The following XRN1 variants were observed in gnomAD, a reference collection of about 807,000 sequenced individuals.
XRN1 encodes the protein strand-exchange protein 1 homolog.
A neutral mutation model predicts 222.3 loss-of-function variants in XRN1; 67 were observed. That is an observed-to-expected ratio of 0.30 (90% confidence interval 0.25 to 0.37). The LOEUF (loss-of-function observed/expected upper bound fraction) is 0.37, where lower values mean the gene tolerates loss of function less well. Ranked by LOEUF, XRN1 falls within the 10% of genes least tolerant of loss-of-function variation. The pLI is 1.00. For synonymous variants in XRN1, 643 were observed against 652.4 expected (o/e 0.99, Z 0.22); for missense variants, 1,707 against 2,000.2 (o/e 0.85, Z 2.80).
intron 37 of XRN1, among the ~76,000 whole-genome samples, chr3:142,327,267 G>T (rs1281041940): frequency 6.6e-6 from 1 of 151,954 alleles, no homozygotes; most frequent in Admixed American, 6.6e-5. Context: ...TTTTACTACC[G>T]CTTCCATCTT....
intron 37 of XRN1, among the ~76,000 whole-genome samples, chr3:142,327,978 T>G (rs1255912993): frequency 6.6e-6 from 1 of 152,314 alleles, no homozygotes; most frequent in Non-Finnish European, 1.5e-5. Flanking sequence ...CCATCCATGT[T>G]GCTGCAAAAG....
intron 2 of XRN1, among the ~76,000 whole-genome samples, chr3:142,429,217 A>G (rs12695761): frequency 0.61 from 89,642 of 146,240 alleles, 28,049 homozygotes; most frequent in African/African-American, 0.78. Flanking sequence ...GTGTGATCTC[A>G]GCTCACTGCA....
At chr3:142,323,507 A>G (rs2065423079) in intron 37 of XRN1, among the ~76,000 whole-genome samples, 1 of 152,164 alleles carries the variant, frequency 6.6e-6, no homozygotes. Context: ...ATGTAATATT[A>G]AAGTATAGCC....
intron 18 of XRN1, among the ~76,000 whole-genome samples, chr3:142,402,472 CAT>C (rs536715411): frequency 1.8e-3 from 268 of 152,266 alleles, no homozygotes; most frequent in African/African-American, 6.2e-3. Flanking sequence ...CGTAAGCCAC[CAT>C]GCCCAGCCAT....
At chr3:142,442,926 G>C (rs2070300844) in intron 1 of XRN1, among the ~76,000 whole-genome samples, 1 of 152,064 alleles carries the variant, frequency 6.6e-6, no homozygotes, top group Non-Finnish European at 1.5e-5. Flanking sequence ...GTAGAGACGG[G>C]GTTTCACCGT....
At position 142,408,269 on chromosome 3, in the gene XRN1, C is replaced by A. The variant is rs562577872; in HGVS notation, c.1714-3193G>T. ...GTGAGTAATGCACATAGGCCTGGGG[C>A]CCATTTGGGGCATTGTGGGGAACCT... is the stretch of plus-strand genomic sequence containing the variant. On this transcript the variant is annotated intron_variant, in intron 15 of 40. Transcript: ENST00000392981. Among the ~76,000 whole-genome samples, 10 of 152,310 alleles carry A rather than the reference C, an allele frequency of 6.6e-5. No individual in the cohort carries two copies. In the South Asian group the frequency reaches 2.1e-3, roughly 32 times the overall value.
chr3:142,332,315 G>T, intron 36 of XRN1, 60 bp downstream of exon 36: 1 of 1,251,814 alleles, frequency 8.0e-7, no homozygotes, highest in Non-Finnish European at 1.1e-6. Flanking sequence ...TGATTAAAAA[G>T]AACCAAATGA....
rs1031991961 is a variant in XRN1, at chr3:142,308,524, T to C, written c.*2987A>G. The C allele has an allele frequency of 2.0e-5, 3 of 152,214 alleles. No individual in the cohort carries two copies. The highest frequency in any genetic ancestry group is 2.0e-4 in the Admixed American group (3 of 15,280). The allele number at this position is 152,214 out of a possible 1,614,324, so 9.4% of individuals were successfully genotyped here. ...AAGGTTCAGTAGAGGTGACTTTAAT[T>C]TTTTTCTGCAACTACAACTGAGTCT... On this transcript the variant is annotated 3_prime_UTR_variant, in exon 41 of 41. Coordinates refer to ENST00000392981, the MANE Select transcript of XRN1 (RefSeq NM_001282857.2).
intron 39 of XRN1, among the ~76,000 whole-genome samples, chr3:142,315,735 G>A (rs1332273381): frequency 1.3e-5 from 2 of 151,550 alleles, no homozygotes; most frequent in Non-Finnish European, 2.9e-5. Flanking sequence ...GGCTGGTCTC[G>A]AACTCCTGAC....
At chr3:142,314,315 A>G (rs1419786647) in intron 39 of XRN1, among the ~76,000 whole-genome samples, 3 of 152,198 alleles carry the variant, frequency 2.0e-5, no homozygotes, top group Non-Finnish European at 4.4e-5. Flanking sequence ...ATTAGTAGGT[A>G]TGAATAAACT....
intron 37 of XRN1, among the ~76,000 whole-genome samples, chr3:142,326,344 AG>A (rs778694251): frequency 3.3e-5 from 5 of 152,064 alleles, no homozygotes; most frequent in Admixed American, 1.3e-4. Context: ...TTTTATAATA[AG>A]TTTTCATTGT....
chr3:142,392,499 A>G (rs2067765700), intron 20 of XRN1, among the ~76,000 whole-genome samples: 2 of 152,018 alleles, frequency 1.3e-5, no homozygotes, highest in Admixed American at 6.5e-5. Context: ...AACAGTCCCC[A>G]GAGTGTGATA....
Position 142,419,411 on chromosome 3 carries a change from G to A in XRN1, c.1174-530C>T, listed in dbSNP as rs114570469. Among the ~76,000 whole-genome samples the A allele has an allele frequency of 5.1e-3, 779 of 152,260 alleles. 9 individuals are homozygous for A. Among genetic ancestry groups the A allele is most frequent in the African/African-American group, 0.018 (744 of 41,538 alleles). ...TTCCAGTGAGGAAGAGCTAAGCAGC[G>A]AGAAGGACTACACTAGAGAAAACAA... On this transcript the variant is annotated intron_variant, in intron 10 of 40. Transcript: ENST00000392981.
chr3:142,318,932 A>G (rs1456048838), intron 37 of XRN1, 29 bp from the exon 38 acceptor site: 1 of 1,582,358 alleles, frequency 6.3e-7, no homozygotes, highest in African/African-American at 1.3e-5. Context: ...TATGTCTATG[A>G]AATTCTCTGT....
intron 20 of XRN1, among the ~76,000 whole-genome samples, chr3:142,395,487 C>CA (rs2067894751): frequency 6.6e-6 from 1 of 152,136 alleles, no homozygotes; most frequent in African/African-American, 2.4e-5. Context: ...CTTTGCTGCC[C>CA]TCATAGAAGT....
At chr3:142,427,432 T>C (rs1035258542) in intron 2 of XRN1, among the ~76,000 whole-genome samples, 3 of 152,144 alleles carry the variant, frequency 2.0e-5, no homozygotes, top group African/African-American at 7.2e-5. Context: ...GTCACAAATA[T>C]ATGGCAAATT....
At chr3:142,362,630 T>A (rs1049667715) in intron 29 of XRN1, among the ~76,000 whole-genome samples, 4 of 132,724 alleles carry the variant, frequency 3.0e-5, no homozygotes, top group African/African-American at 1.1e-4. Context: ...CTGGCCTTTT[T>A]CTTTTTCTTT....
chr3:142,429,272 G>A (rs1006209216), intron 2 of XRN1, among the ~76,000 whole-genome samples: 2 of 148,684 alleles, frequency 1.3e-5, no homozygotes, highest in East Asian at 4.0e-4. Context: ...TCACCCTCCC[G>A]AGTAGCTGGG....
At chr3:142,440,223 C>G (rs903242023) in intron 1 of XRN1, among the ~76,000 whole-genome samples, 1 of 152,172 alleles carries the variant, frequency 6.6e-6, no homozygotes, top group African/African-American at 2.4e-5. Context: ...GGTCCTAGGA[C>G]AGCCAGTCAC....
Sources: gnomAD v4.1 joint callset for allele counts (sites outside exome capture counted in the v4.1 genomes callset) on GRCh38, gnomAD v4.1.1 for gene constraint, MANE v1.5 for transcripts, NCBI Gene and HGNC (gene_info 2026-07-23, HGNC 2026-07-21) for gene names.